EIF4G1: variants seen among roughly 807,000 people sequenced by gnomAD.
EIF4G1 encodes eukaryotic translation initiation factor 4 gamma 1.
A neutral mutation model predicts 187.8 loss-of-function variants in EIF4G1; 4 were observed. That is an observed-to-expected ratio of 0.02 (90% CI 0.01 to 0.05). EIF4G1 has a LOEUF of 0.05. Among genes scored for constraint, EIF4G1 ranks in the 10% least tolerant of loss-of-function variants. The probability of loss-of-function intolerance (pLI) is 1.00; values close to 1 mark genes in which losing one functional copy is unlikely to be tolerated. For missense variants in EIF4G1, 1,647 were observed against 2,081.1 expected, an observed-to-expected ratio of 0.79 and a Z score of 4.06; for synonymous variants, 844 against 781.4, an observed-to-expected ratio of 1.08 and a Z score of -1.34.
At chr3:184,320,411 G>T in intron 7 of EIF4G1, 1 of 1,463,850 alleles carries the variant, frequency 6.8e-7, no homozygotes, top group Non-Finnish European at 9.0e-7. Flanking sequence ...GATGTACAGG[G>T]CTGCTCTGTG....
intron 4 of EIF4G1, chr3:184,316,722 A>C (rs1436843871): frequency 6.3e-7 from 1 of 1,595,318 alleles, no homozygotes; most frequent in South Asian, 1.1e-5. Flanking sequence ...GGGAGGATTC[A>C]GGTCTCTGCA....
chr3:184,328,778 TC>T (rs1225298736), intron 27 of EIF4G1, 22 bp downstream of exon 27: 4 of 1,613,932 alleles, frequency 2.5e-6, no homozygotes, highest in African/African-American at 1.3e-5. Context: ...TGGGTGGAAT[TC>T]AGGGGAGGTA....
chr3:184,319,467 T>TGTGTGTGTGTGTG (rs1560209601), intron 6 of EIF4G1, among the ~76,000 whole-genome samples: 1 of 11,264 alleles, frequency 8.9e-5, no homozygotes, highest in Non-Finnish European at 1.7e-4. Flanking sequence ...GTGTGTGTGT[T>TGTGTGTGTGTGTG]TGTGTGTGTG....
At chr3:184,324,113 A>T (rs980579395) in intron 16 of EIF4G1, 88 bp from the exon 17 acceptor site, 1 of 1,608,168 alleles carries the variant, frequency 6.2e-7, no homozygotes, top group Admixed American at 1.7e-5. Flanking sequence ...GGGGCCAGAG[A>T]TCTTCCTGGG....
Position 184,323,339 on chromosome 3 carries a change from T to C in EIF4G1, c.2089-69T>C. On this transcript the variant is annotated intron_variant, in intron 14 of 32. Coordinates refer to ENST00000346169, the MANE Select transcript of EIF4G1 (RefSeq NM_198241.3). This position sits in a 1 kb window ranked among gnomAD's most constrained non-coding sequence, Gnocchi z 6.9. ...GGGAGGGGTTTGCCCTGGAGGCGTGTAGTAGTGGTGTCACATATTGTGCTG... is the reference window on the plus strand; with the variant it reads ...GGGAGGGGTTTGCCCTGGAGGCGTGCAGTAGTGGTGTCACATATTGTGCTG... 1 of 1,611,966 alleles carries C rather than the reference T, an allele frequency of 6.2e-7. No homozygotes were observed. Among genetic ancestry groups the C allele is most frequent in the Non-Finnish European group, 8.5e-7 (1 of 1,178,576 alleles).
intron 17 of EIF4G1, 146 bp from the exon 18 acceptor site, chr3:184,324,732 T>C: frequency 1.1e-6 from 1 of 896,092 alleles, no homozygotes; most frequent in East Asian, 2.4e-5. Context: ...CCCAAATTGA[T>C]GGGATTACAG....
intron 29 of EIF4G1, 27 bp from the exon 30 acceptor site, chr3:184,331,445 C>T (rs1014774016): frequency 6.2e-7 from 1 of 1,614,168 alleles, no homozygotes; most frequent in Non-Finnish European, 8.5e-7. Flanking sequence ...AACCTTACCT[C>T]TTAACTGCGG....
rs1334170439 is a variant in EIF4G1 at position 184,327,437 on chromosome 3, G to A, written c.3650G>A (p.Gly1217Glu). The change falls in exon 24 of 33, where the codon GGG becomes GAG. Residue 1217 changes from glycine (G) to glutamate (E), a missense_variant. Transcript: ENST00000346169. ...AASLTEDRDR[G>E]RDAVKREAAL... Reference sequence around the variant, plus strand: ...AGCCTCACGGAGGATCGGGACCGTGGGCGGGATGCCGGTGAGAGTCTGGGA... The same window carrying A: ...AGCCTCACGGAGGATCGGGACCGTGAGCGGGATGCCGGTGAGAGTCTGGGA... 1 of 1,613,584 alleles carries A rather than the reference G, an allele frequency of 6.2e-7. No homozygotes were observed. The highest frequency in any genetic ancestry group is 2.2e-5 in the East Asian group (1 of 44,886).
chr3:184,331,594 C>G lies in EIF4G1; in HGVS notation c.4383C>G (p.Phe1461Leu). Residue 1461 changes from phenylalanine (F) to leucine (L), a missense_variant, in exon 30 of 33, where the codon TTC (phenylalanine) becomes TTG (leucine). Physicochemically the swap from Phe to Leu is conservative, Grantham distance 22. This residue lies in a region of EIF4G1 where 543 missense variants were observed against 638.0 expected (regional missense o/e 0.85). Transcript: ENST00000346169. ...LKEGSSNQRV[F>L]DWIEANLSEQ... is the part of the protein sequence containing the mutation. ...AGGGCAGCAGTAACCAGCGGGTGTT[C>G]GACTGGATAGAGGTAGGTTTCTCCT... 6.3e-7 allele frequency: 1 copy of G among 1,594,698 alleles called. No homozygotes were observed. Among genetic ancestry groups the G allele is most frequent in the Non-Finnish European group, 8.5e-7 (1 of 1,176,662 alleles).
chr3:184,326,858 A>G (rs1164922642), intron 22 of EIF4G1, 23 bp from the exon 23 acceptor site: 1 of 1,613,806 alleles, frequency 6.2e-7, no homozygotes, highest in South Asian at 1.1e-5. Flanking sequence ...AAAGATTTTA[A>G]TACGGATTTT....
Position 184,326,518 on chromosome 3 carries a change from C to A in EIF4G1, c.3223-9C>A, listed in dbSNP as rs910366343. 3 of 1,613,606 alleles carry A rather than the reference C, an allele frequency of 1.9e-6. No individual in the cohort carries two copies. The African/African-American group carries it at 4.0e-5, about 22-fold the overall frequency. On this transcript the variant is annotated splice_polypyrimidine_tract_variant and intron_variant, in intron 21 of 32. Transcript: ENST00000346169. ...GGACCTATGATTCTACTCCCCTTTTCTTCTTCAGCCTGGCTCCATCGATTC... is the reference window on the plus strand; with the variant it reads ...GGACCTATGATTCTACTCCCCTTTTATTCTTCAGCCTGGCTCCATCGATTC...
At chr3:184,332,356 C>T (rs915751406) in intron 32 of EIF4G1, among the ~76,000 whole-genome samples, 3 of 152,346 alleles carry the variant, frequency 2.0e-5, no homozygotes, top group East Asian at 1.9e-4. Flanking sequence ...ATGATAGGAT[C>T]TTCCCAGTAC....
At chr3:184,327,741 C>T (rs1454978950) in intron 25 of EIF4G1, 37 bp downstream of exon 25, 2 of 1,612,750 alleles carry the variant, frequency 1.2e-6, no homozygotes, top group Middle Eastern at 1.7e-4. Flanking sequence ...GAGGAGTGGG[C>T]AGGGAGGGAT....
chr3:184,315,474 A>C lies in EIF4G1; in HGVS notation c.-91-15A>C. The C allele has an allele frequency of 1.6e-6, 1 of 625,280 alleles. No homozygotes were observed. Among genetic ancestry groups the C allele is most frequent in the South Asian group, 1.4e-5 (1 of 72,480 alleles). 38.7% of individuals were successfully genotyped at this position (625,280 alleles called of 1,614,324 possible). A position where few individuals can be genotyped will look rare whatever the true frequency, so the allele number is the denominator to read the frequency against. ...CCCGCGGAGCCAGGTTGATACCCTC[A>C]CCTCCCAACCCCAGGCCCTCGGATG... On this transcript the variant is annotated splice_polypyrimidine_tract_variant and intron_variant, in intron 1 of 32. Transcript: ENST00000346169.
intron 1 of EIF4G1, chr3:184,315,131 GCCCCCGGCCCCGCCCGC>G: frequency 1.2e-5 from 4 of 337,436 alleles, no homozygotes; most frequent in Non-Finnish European, 2.3e-5. Flanking sequence ...GCAGGGAGGA[GCCCCCGGCCCCGCCCGC>G]CCTCCGGGCC....
chr3:184,322,849 G>A lies in EIF4G1; in HGVS notation c.1824G>A (p.Glu608=), dbSNP rs1381625088. 4 of 1,614,174 alleles carry A rather than the reference G, an allele frequency of 2.5e-6. No individual in the cohort carries two copies. Among genetic ancestry groups the A allele is most frequent in the Non-Finnish European group, 3.4e-6 (4 of 1,180,038 alleles). The change falls in exon 13 of 33, where the codon GAG becomes GAA. Residue 608 remains glutamate (E), a synonymous_variant. Coordinates refer to ENST00000346169, the MANE Select transcript of EIF4G1 (RefSeq NM_198241.3). ...SDQWKPLNLE[E]KKRYDREFLL... ...AGTGGAAGCCTCTAAACCTAGAGGA[G>A]AAAAAACGTTACGACCGTGAGTTCC...
rs376246503 is a variant in EIF4G1, at chr3:184,320,624, C to G, written c.538-6C>G. 42 of 1,613,922 alleles carry G rather than the reference C, an allele frequency of 2.6e-5. No individual in the cohort carries two copies. The highest frequency in any genetic ancestry group is 3.6e-5 in the Non-Finnish European group (42 of 1,179,992). ...TCCCACTCATCTTATAGCTTTCTTT[C>G]CCCAGATCCGAATTCGAGATCCAAA... is the stretch of plus-strand genomic sequence containing the variant. On this transcript the variant is annotated splice_polypyrimidine_tract_variant and splice_region_variant and intron_variant, in intron 7 of 32. Transcript: ENST00000346169.
chr3:184,315,467 T>C (rs1443043896), intron 1 of EIF4G1, 22 bp from the exon 2 acceptor site: 1 of 613,940 alleles, frequency 1.6e-6, no homozygotes, highest in South Asian at 1.4e-5. Flanking sequence ...GCCAGGTTGA[T>C]ACCCTCACCT....
Position 184,325,837 on chromosome 3 carries a change from T to G in EIF4G1, c.3122-14T>G. The G allele has an allele frequency of 6.2e-7, 1 of 1,614,114 alleles. No individual in the cohort carries two copies. The highest frequency in any genetic ancestry group is 8.5e-7 in the Non-Finnish European group (1 of 1,180,014). On this transcript the variant is annotated splice_polypyrimidine_tract_variant and intron_variant, in intron 20 of 32. Transcript: ENST00000346169. This position sits in a 1 kb window ranked among gnomAD's most constrained non-coding sequence, Gnocchi z 5.2. Reference sequence around the variant, plus strand: ...TTTATTCATTATTCCAGTATGCCCCTCTTTTTGTGTCAGGCCGTGGACTTC... The same window carrying G: ...TTTATTCATTATTCCAGTATGCCCCGCTTTTTGTGTCAGGCCGTGGACTTC...
Sources: gnomAD v4.1 joint callset for allele counts (sites outside exome capture counted in the v4.1 genomes callset) on GRCh38, gnomAD v4.1.1 for gene constraint, gnomAD v4.1.1 regional missense constraint, Gnocchi (gnomAD v3.1) non-coding constraint, MANE v1.5 for transcripts, NCBI Gene and HGNC (gene_info 2026-07-23, HGNC 2026-07-21) for gene names.